KCNAB1: variants seen among roughly 807,000 people sequenced by gnomAD.
KCNAB1 encodes potassium voltage-gated channel subfamily A regulatory beta subunit 1, also known as voltage-gated potassium channel subunit beta-1.
In KCNAB1, 35 loss-of-function variants were observed where a neutral mutation model predicts 64.6. The observed-to-expected ratio is 0.54, with a 90% CI of 0.41 to 0.72. The LOEUF (loss-of-function observed/expected upper bound fraction) is 0.72, where lower values mean the gene tolerates loss of function less well. Among genes scored for constraint, KCNAB1 ranks in the 30% least tolerant of loss-of-function variants. The probability of loss-of-function intolerance (pLI) is 0.00; values close to 1 mark genes in which losing one functional copy is unlikely to be tolerated. For missense variants in KCNAB1, 401 were observed against 512.9 expected (o/e 0.78, Z 2.11); for synonymous variants, 177 against 183.8 (o/e 0.96, Z 0.30).
intron 1 of KCNAB1, among the ~76,000 whole-genome samples, chr3:156,285,591 C>T (rs943031227): frequency 2.6e-5 from 4 of 152,182 alleles, no homozygotes; most frequent in African/African-American, 9.7e-5. Context: ...ACCTCTGCCT[C>T]ACAGGCTCAA....
intron 1 of KCNAB1, among the ~76,000 whole-genome samples, chr3:156,415,938 T>TC (rs1255046761): frequency 2.0e-5 from 3 of 152,004 alleles, no homozygotes; most frequent in Non-Finnish European, 4.4e-5. Flanking sequence ...AAACCGTTGT[T>TC]CCCCCAATGT....
At chr3:156,342,726 G>T (rs1441364267) in intron 1 of KCNAB1, among the ~76,000 whole-genome samples, 1 of 150,548 alleles carries the variant, frequency 6.6e-6, no homozygotes, top group African/African-American at 2.4e-5. Context: ...GTGTCATCTA[G>T]CATTAGGTAT....
chr3:156,435,688 G>T (rs1716538808), intron 2 of KCNAB1, among the ~76,000 whole-genome samples: 1 of 152,078 alleles, frequency 6.6e-6, no homozygotes, highest in South Asian at 2.1e-4. Context: ...TGAAGTCAGA[G>T]TATGTGGGGA....
chr3:156,308,284 A>T (rs776149967), intron 1 of KCNAB1, among the ~76,000 whole-genome samples: 1 of 152,200 alleles, frequency 6.6e-6, no homozygotes, highest in Non-Finnish European at 1.5e-5. Flanking sequence ...AATGGGCCAG[A>T]TATTGAGGGC....
chr3:156,240,024 C>A (rs1480907171), intron 1 of KCNAB1, among the ~76,000 whole-genome samples: 2 of 152,174 alleles, frequency 1.3e-5, no homozygotes, highest in Non-Finnish European at 2.9e-5. Context: ...CACATACACA[C>A]TAATGAGGTC....
At chr3:156,428,533 A>ACACACACACC (rs59772816) in intron 2 of KCNAB1, among the ~76,000 whole-genome samples, 195 of 143,106 alleles carry the variant, frequency 1.4e-3, no homozygotes, top group African/African-American at 4.6e-3. Context: ...ACACACACAC[A>ACACACACACC]CCCTATTGGT....
At chr3:156,360,489 C>T (rs755694636) in intron 1 of KCNAB1, among the ~76,000 whole-genome samples, 14 of 152,068 alleles carry the variant, frequency 9.2e-5, no homozygotes, top group Non-Finnish European at 1.9e-4. Flanking sequence ...GTGGGAGGAT[C>T]GCTTGAGGCC....
chr3:156,357,809 T>C lies in KCNAB1; in HGVS notation c.276-63807T>C, dbSNP rs189888109. On this transcript the variant is annotated intron_variant, in intron 1 of 13. Coordinates refer to ENST00000490337, the MANE Select transcript of KCNAB1 (RefSeq NM_172160.3). ...TTTTATATTTTTATACTAAATATTA[T>C]ATATTTAATTATATATTTAATAAAT... 9.8e-3 allele frequency among the ~76,000 whole-genome samples: 1,452 copies of C among 148,544 alleles called. 22 individuals are homozygous for C. The highest frequency in any genetic ancestry group is 0.033 in the African/African-American group (1,356 of 40,956).
chr3:156,258,872 C>A (rs1262619580), intron 1 of KCNAB1, among the ~76,000 whole-genome samples: 1 of 152,160 alleles, frequency 6.6e-6, no homozygotes, highest in African/African-American at 2.4e-5. Context: ...AGTGAGCCAG[C>A]ACTGGGCCTA....
chr3:156,325,252 G>T (rs1722895074), intron 1 of KCNAB1, among the ~76,000 whole-genome samples: 1 of 152,090 alleles, frequency 6.6e-6, no homozygotes, highest in African/African-American at 2.4e-5. Flanking sequence ...ACGCAATTTT[G>T]TCTGACTCTG....
At chr3:156,460,847 G>C (rs1712847504) in intron 5 of KCNAB1, among the ~76,000 whole-genome samples, 1 of 152,114 alleles carries the variant, frequency 6.6e-6, no homozygotes, top group African/African-American at 2.4e-5. Flanking sequence ...AACTAAGAAG[G>C]TGAAACAGAC....
intron 1 of KCNAB1, among the ~76,000 whole-genome samples, chr3:156,402,314 T>C (rs952721124): frequency 6.6e-6 from 1 of 152,200 alleles, no homozygotes. Flanking sequence ...GTCTAAAGAA[T>C]GTATTTTTCT....
At chr3:156,348,818 T>C (rs993196989) in intron 1 of KCNAB1, among the ~76,000 whole-genome samples, 1 of 152,200 alleles carries the variant, frequency 6.6e-6, no homozygotes, top group African/African-American at 2.4e-5. Flanking sequence ...TATATGGTAC[T>C]CATCTTTGAT....
intron 5 of KCNAB1, chr3:156,460,149 T>G: frequency 2.8e-6 from 1 of 352,538 alleles, no homozygotes; most frequent in Non-Finnish European, 5.1e-6. Flanking sequence ...AGTGACAATT[T>G]CATGGCTTCT....
intron 8 of KCNAB1, among the ~76,000 whole-genome samples, chr3:156,513,588 A>G (rs138292928): frequency 0.011 from 1,742 of 152,334 alleles, 16 homozygotes; most frequent in Non-Finnish European, 0.02. Context: ...CTTGTTCTGC[A>G]GCACATCTGG....
chr3:156,363,129 ATAAT>A lies in KCNAB1; in HGVS notation c.276-58484_276-58481del, dbSNP rs534069572. Among the ~76,000 whole-genome samples the A allele has an allele frequency of 2.1e-3, 320 of 152,360 alleles. 1 individual carries two copies. The highest frequency in any genetic ancestry group is 7.0e-3 in the Admixed American group (107 of 15,310). Reference sequence around the variant, plus strand: ...GAAACCATTACATTGCCTCAGAAAAATAATTAGTTTCACCCCAGATCACATTTGA... The same window carrying A: ...GAAACCATTACATTGCCTCAGAAAAATAGTTTCACCCCAGATCACATTTGA... On this transcript the variant is annotated intron_variant, in intron 1 of 13. Transcript: ENST00000490337.
chr3:156,129,833 A>G (rs1305189238), intron 1 of KCNAB1, among the ~76,000 whole-genome samples: 1 of 152,124 alleles, frequency 6.6e-6, no homozygotes, highest in African/African-American at 2.4e-5. Flanking sequence ...GCCTTAGCAA[A>G]TGGTCTTGAC....
At chr3:156,479,641 T>A (rs1559906907) in intron 8 of KCNAB1, among the ~76,000 whole-genome samples, 2 of 152,182 alleles carry the variant, frequency 1.3e-5, no homozygotes, top group South Asian at 4.1e-4. Context: ...TTTAGTTAGT[T>A]TTTTATTTTA....
At chr3:156,262,748 T>C (rs1416894846) in intron 1 of KCNAB1, among the ~76,000 whole-genome samples, 2 of 151,922 alleles carry the variant, frequency 1.3e-5, no homozygotes, top group Non-Finnish European at 2.9e-5. Context: ...ATTGTTACTA[T>C]ATTGTCTTAA....
Sources: gnomAD v4.1 joint callset for allele counts (sites outside exome capture counted in the v4.1 genomes callset) on GRCh38, gnomAD v4.1.1 for gene constraint, MANE v1.5 for transcripts, NCBI Gene and HGNC (gene_info 2026-07-23, HGNC 2026-07-21) for gene names.